PHEX: variants seen among roughly 807,000 people sequenced by gnomAD.
PHEX encodes the protein phosphate regulating endopeptidase X-linked.
In PHEX, 16 loss-of-function variants were observed where a neutral mutation model predicts 68.0. The observed-to-expected ratio is 0.24, with a 90% CI of 0.16 to 0.36. The LOEUF is 0.36. PHEX is among the 10% of genes least tolerant of loss of function. The pLI, the probability that PHEX is intolerant of heterozygous loss-of-function variation, is 1.00. For missense variants in PHEX, 480 were observed against 575.5 expected, an observed-to-expected ratio of 0.83 and a Z score of 1.70; for synonymous variants, 208 against 205.1, an observed-to-expected ratio of 1.01 and a Z score of -0.12.
At chrX:22,063,510 G>A (rs983763487) in intron 3 of PHEX, among the ~76,000 whole-genome samples, 3 of 112,053 alleles carry the variant, frequency 2.7e-5, no homozygotes, top group African/African-American at 9.7e-5. Context: ...AAGTCTAGTG[G>A]GGAATGCGTG....
At chrX:22,183,042 C>A (rs1484843045) in intron 14 of PHEX, among the ~76,000 whole-genome samples, 1 of 111,745 alleles carries the variant, frequency 8.9e-6, no homozygotes, top group Non-Finnish European at 1.9e-5. Context: ...CCTTCTCATG[C>A]CATTATACCT....
intron 20 of PHEX, among the ~76,000 whole-genome samples, chrX:22,234,212 A>G (rs138657802): frequency 4.9e-4 from 55 of 112,591 alleles, no homozygotes; most frequent in African/African-American, 1.6e-3. Context: ...GCTCTCCTGT[A>G]TGAGATGTTT....
chrX:22,170,370 C>CAT (rs1245614368), intron 13 of PHEX, among the ~76,000 whole-genome samples: 2 of 110,921 alleles, frequency 1.8e-5, no homozygotes, highest in Non-Finnish European at 3.8e-5. Flanking sequence ...ACCGTGGAGT[C>CAT]AAAGTGCCTG....
At chrX:22,142,208 C>T (rs1438326664) in intron 12 of PHEX, among the ~76,000 whole-genome samples, 2 of 111,935 alleles carry the variant, frequency 1.8e-5, no homozygotes, top group Admixed American at 9.5e-5. Context: ...GCCAAGATTA[C>T]GCCGCTGCAC....
intron 20 of PHEX, among the ~76,000 whole-genome samples, chrX:22,231,715 A>G (rs1298781051): frequency 1.8e-5 from 2 of 111,156 alleles, no homozygotes; most frequent in Admixed American, 9.5e-5. Context: ...TTTTCAAAAA[A>G]CCAGCTCCTG....
intron 15 of PHEX, among the ~76,000 whole-genome samples, chrX:22,206,063 G>T (rs1255442200): frequency 8.9e-6 from 1 of 112,185 alleles, no homozygotes; most frequent in African/African-American, 3.2e-5. Flanking sequence ...TATTGTGATT[G>T]AAAGTTTATT....
chrX:22,046,435 A>T (rs892234312), intron 2 of PHEX, among the ~76,000 whole-genome samples: 4 of 111,675 alleles, frequency 3.6e-5, no homozygotes, highest in African/African-American at 1.3e-4. Flanking sequence ...TAGAAGAAAT[A>T]GTCACAGTTA....
chrX:22,087,810 A>G (rs1011828686), intron 5 of PHEX, among the ~76,000 whole-genome samples: 1 of 111,944 alleles, frequency 8.9e-6, no homozygotes, highest in African/African-American at 3.2e-5. Flanking sequence ...GGAAAAATCT[A>G]CTCTTCTTGA....
intron 1 of PHEX, among the ~76,000 whole-genome samples, chrX:22,034,617 T>C (rs1010690474): frequency 1.8e-5 from 2 of 112,047 alleles, no homozygotes; most frequent in East Asian, 5.6e-4. Flanking sequence ...CCCAATAACC[T>C]GGCTCTCACC....
intron 1 of PHEX, among the ~76,000 whole-genome samples, chrX:22,037,652 A>G (rs1210439334): frequency 9.0e-6 from 1 of 110,514 alleles, no homozygotes; most frequent in Non-Finnish European, 1.9e-5. Context: ...GAGTGGGGGA[A>G]GGGAGGAAAT....
At chrX:22,171,400 G>A (rs779066272) in intron 13 of PHEX, 4 of 110,196 alleles carry the variant, frequency 3.6e-5, no homozygotes, top group African/African-American at 9.9e-5. Flanking sequence ...TCCCTCCCTT[G>A]ACACGTGGGG....
In PHEX at chrX:22,127,998, C is replaced by G. The variant is rs192442446; in HGVS notation, c.1303-5525C>G. Among the ~76,000 whole-genome samples, 5 of 111,677 alleles carry G rather than the reference C, an allele frequency of 4.5e-5. No homozygotes were observed. In the East Asian group the frequency reaches 1.4e-3, roughly 31 times the overall value. ...GCAGTGGGCTGAAATGTTTTTGCCT[C>G]TTTTTATTTTCATTTAGAATGCCAA... is the stretch of plus-strand genomic sequence containing the variant. On this transcript the variant is annotated intron_variant, in intron 11 of 21. Coordinates refer to ENST00000379374, the MANE Select transcript of PHEX (RefSeq NM_000444.6).
At chrX:22,179,669 G>T (rs747528117) in intron 14 of PHEX, among the ~76,000 whole-genome samples, 5 of 111,695 alleles carry the variant, frequency 4.5e-5, no homozygotes, top group African/African-American at 1.3e-4. Context: ...CCTTTTTATG[G>T]CTGACAACTT....
intron 20 of PHEX, among the ~76,000 whole-genome samples, chrX:22,232,256 G>T (rs1419647379): frequency 9.0e-6 from 1 of 111,348 alleles, no homozygotes; most frequent in Non-Finnish European, 1.9e-5. Flanking sequence ...ATTGATTTGG[G>T]GTGGAGAGTT....
chrX:22,039,069 A>G (rs1569366738), intron 2 of PHEX, among the ~76,000 whole-genome samples: 1 of 111,973 alleles, frequency 8.9e-6, no homozygotes, highest in East Asian at 2.8e-4. Context: ...CCTGGGCTCA[A>G]GTGATTCTCC....
chrX:22,158,259 G>T (rs139775509), intron 12 of PHEX, among the ~76,000 whole-genome samples: 3,114 of 111,677 alleles, frequency 0.028, 41 homozygotes, highest in Non-Finnish European at 0.044. Context: ...GGTGCTTAAA[G>T]CTCAGAATTT....
chrX:22,128,252 G>A (rs189736129), intron 11 of PHEX, among the ~76,000 whole-genome samples: 1 of 108,146 alleles, frequency 9.2e-6, no homozygotes, highest in East Asian at 2.9e-4. Context: ...TAGTAGAGAC[G>A]GGGTTTCACC....
At chrX:22,225,885 A>T (rs193127632) in intron 18 of PHEX, among the ~76,000 whole-genome samples, 1 of 112,158 alleles carries the variant, frequency 8.9e-6, no homozygotes, top group Admixed American at 9.5e-5. Flanking sequence ...GCTGGTTGTC[A>T]TACATATCGC....
intron 15 of PHEX, among the ~76,000 whole-genome samples, chrX:22,203,682 T>C (rs1934625428): frequency 9.0e-6 from 1 of 111,719 alleles, no homozygotes. Flanking sequence ...CATTCATTCT[T>C]AGAGTAAGCA....
Sources: allele counts gnomAD v4.1 joint callset (sites outside exome capture counted in the v4.1 genomes callset), GRCh38; gene constraint gnomAD v4.1.1; transcripts MANE v1.5; gene names NCBI Gene and HGNC (gene_info 2026-07-23, HGNC 2026-07-21).